The following SOX5 variants were observed in gnomAD, a reference collection of about 807,000 sequenced individuals.
SOX5 encodes SRY-box transcription factor 5, also known as transcription factor SOX-5.
Under a neutral mutation model 92.0 loss-of-function variants are expected in SOX5, and 9 were observed. That is an observed-to-expected ratio of 0.10 (90% CI 0.06 to 0.17). The LOEUF (loss-of-function observed/expected upper bound fraction) is 0.17. Ranked by LOEUF, SOX5 falls within the 10% of genes least tolerant of loss-of-function variation. The pLI, the probability that SOX5 is intolerant of heterozygous loss-of-function variation, is 1.00. For synonymous variants in SOX5, 344 were observed against 336.3 expected, an observed-to-expected ratio of 1.02 and a Z score of -0.25; for missense variants, 642 against 944.5, an observed-to-expected ratio of 0.68 and a Z score of 4.20.
intron 4 of SOX5, among the ~76,000 whole-genome samples, chr12:24,096,239 G>A (rs1199464398): frequency 5.9e-5 from 9 of 152,128 alleles, no homozygotes; most frequent in East Asian, 3.9e-4. Context: ...TCGACATTGG[G>A]TATTTCTCCT....
At chr12:23,861,128 T>C (rs981824878) in intron 2 of SOX5, among the ~76,000 whole-genome samples, 2 of 152,130 alleles carry the variant, frequency 1.3e-5, no homozygotes, top group East Asian at 3.9e-4. Flanking sequence ...AAGATATCAT[T>C]GTAAAACTAA....
rs371352685 is a variant in SOX5 at position 24,371,154 on chromosome 12, C to T, written c.-250-2515G>A. On this transcript the variant is annotated intron_variant, in intron 1 of 4. Transcript: ENST00000446891. Reference sequence around the variant, plus strand: ...GAAGAGAAAATGGAGATCTGAAGCACGAGAAGGATTTGGCACACCACTGAT... The same window carrying T: ...GAAGAGAAAATGGAGATCTGAAGCATGAGAAGGATTTGGCACACCACTGAT... Among the ~76,000 whole-genome samples, 21 of 152,196 alleles carry T rather than the reference C, an allele frequency of 1.4e-4. No individual in the cohort carries two copies. The East Asian group carries it at 3.7e-3, about 27-fold the overall frequency.
chr12:24,030,566 T>C (rs1955390046), intron 4 of SOX5, among the ~76,000 whole-genome samples: 1 of 151,946 alleles, frequency 6.6e-6, no homozygotes. Context: ...AAGACTTAAA[T>C]GTAAGATGCA....
chr12:24,530,461 T>C (rs1001544116), intron 1 of SOX5, among the ~76,000 whole-genome samples: 1 of 152,112 alleles, frequency 6.6e-6, no homozygotes, highest in Admixed American at 6.6e-5. Flanking sequence ...AAATAATATG[T>C]AGAGCTCCCC....
intron 2 of SOX5, among the ~76,000 whole-genome samples, chr12:24,282,348 A>G (rs1339302637): frequency 2.0e-5 from 3 of 151,934 alleles, no homozygotes; most frequent in Non-Finnish European, 2.9e-5. Flanking sequence ...CCTAAAACTT[A>G]AAGTATAATA....
At chr12:24,003,340 C>G (rs1313511559) in intron 4 of SOX5, among the ~76,000 whole-genome samples, 2 of 151,658 alleles carry the variant, frequency 1.3e-5, no homozygotes, top group East Asian at 3.9e-4. Flanking sequence ...TAAAAGTCAT[C>G]CATCTTACTG....
At chr12:24,549,725 A>T (rs1482933802) in intron 1 of SOX5, among the ~76,000 whole-genome samples, 2 of 152,240 alleles carry the variant, frequency 1.3e-5, no homozygotes, top group African/African-American at 4.8e-5. Flanking sequence ...GAGCCTGAAA[A>T]GATAGTTGGA....
chr12:23,700,934 T>C (rs904144734), intron 6 of SOX5, among the ~76,000 whole-genome samples: 2 of 151,640 alleles, frequency 1.3e-5, no homozygotes, highest in Non-Finnish European at 2.9e-5. Context: ...CATATACATA[T>C]ATACATGTAT....
chr12:24,346,794 C>T (rs1037300912), intron 2 of SOX5, among the ~76,000 whole-genome samples: 3 of 151,706 alleles, frequency 2.0e-5, no homozygotes, highest in African/African-American at 2.4e-5. Context: ...TGGTGTACAC[C>T]GCATGTTCTC....
intron 11 of SOX5, among the ~76,000 whole-genome samples, chr12:23,559,951 C>T (rs1330716775): frequency 1.3e-5 from 2 of 152,104 alleles, no homozygotes; most frequent in Non-Finnish European, 2.9e-5. Flanking sequence ...TGCCCTGTCG[C>T]CCAGGCTGGA....
chr12:24,411,866 CTT>C (rs1964156481), intron 1 of SOX5, among the ~76,000 whole-genome samples: 1 of 151,930 alleles, frequency 6.6e-6, no homozygotes, highest in Non-Finnish European at 1.5e-5. Flanking sequence ...TTCAATCCCT[CTT>C]TAAATGTTTG....
chr12:23,671,501 G>T (rs183811454), intron 6 of SOX5, among the ~76,000 whole-genome samples: 1 of 152,130 alleles, frequency 6.6e-6, no homozygotes, highest in Non-Finnish European at 1.5e-5. Flanking sequence ...AGGGGTTTAG[G>T]TAGGCAGAAT....
chr12:24,236,005 T>A (rs561837538), intron 3 of SOX5, among the ~76,000 whole-genome samples: 1 of 151,944 alleles, frequency 6.6e-6, no homozygotes, highest in South Asian at 2.1e-4. Context: ...CTGGTTAACA[T>A]GGTAAAACCC....
At chr12:24,350,977 G>A (rs1319481633) in intron 2 of SOX5, among the ~76,000 whole-genome samples, 3 of 152,158 alleles carry the variant, frequency 2.0e-5, no homozygotes, top group Non-Finnish European at 2.9e-5. Context: ...GAATTGCCTC[G>A]AGCCCAGGAG....
At chr12:24,327,428 T>C (rs1950832694) in intron 2 of SOX5, among the ~76,000 whole-genome samples, 1 of 79,440 alleles carries the variant, frequency 1.3e-5, no homozygotes, top group Non-Finnish European at 2.5e-5. Context: ...TTTTTTTTTT[T>C]TTTTGAGATG....
chr12:24,328,783 A>G (rs1297587003), intron 2 of SOX5, among the ~76,000 whole-genome samples: 1 of 152,168 alleles, frequency 6.6e-6, no homozygotes, highest in African/African-American at 2.4e-5. Context: ...TTGCCTAAAA[A>G]CTATTTATGC....
intron 4 of SOX5, among the ~76,000 whole-genome samples, chr12:24,109,614 CTCATATCCACTAGGGGGA>C (rs1411397192): frequency 1.3e-5 from 2 of 152,152 alleles, no homozygotes; most frequent in African/African-American, 4.8e-5. Flanking sequence ...CTAGCTGCAT[CTCATATCCACTAGGGGGA>C]TCATTACACA....
chr12:24,275,521 T>C (rs1277571533), intron 3 of SOX5, among the ~76,000 whole-genome samples: 1 of 152,164 alleles, frequency 6.6e-6, no homozygotes, highest in East Asian at 1.9e-4. Context: ...AATGAAATAC[T>C]CATTTCATTC....
chr12:23,696,868 AT>A (rs1420529210), intron 6 of SOX5, among the ~76,000 whole-genome samples: 2 of 152,114 alleles, frequency 1.3e-5, no homozygotes, highest in Non-Finnish European at 2.9e-5. Context: ...TTTTAGAGGT[AT>A]TTTATTTAGT....
Sources: gnomAD v4.1 joint callset for allele counts (sites outside exome capture counted in the v4.1 genomes callset) on GRCh38, gnomAD v4.1.1 for gene constraint, MANE v1.5 for transcripts, NCBI Gene and HGNC (gene_info 2026-07-23, HGNC 2026-07-21) for gene names.